The following MAPKAPK5 variants were observed in gnomAD, a reference collection of about 807,000 sequenced individuals.
The protein encoded by MAPKAPK5 is MAPK activated protein kinase 5, also known as MAP kinase-activated protein kinase 5.
Under a neutral mutation model 65.1 loss-of-function variants are expected in MAPKAPK5, and 30 were observed. That is an observed-to-expected ratio of 0.46 (90% CI 0.34 to 0.63). MAPKAPK5 has a LOEUF of 0.63. Among genes scored for constraint, MAPKAPK5 ranks in the 20% least tolerant of loss-of-function variants. The probability of loss-of-function intolerance (pLI) is 0.01; values close to 1 mark genes in which losing one functional copy is unlikely to be tolerated. For missense variants in MAPKAPK5, 433 were observed against 581.4 expected, an observed-to-expected ratio of 0.74 and a Z score of 2.63; for synonymous variants, 179 against 204.6, an observed-to-expected ratio of 0.87 and a Z score of 1.07.
At position 111,842,690 on chromosome 12, in the gene MAPKAPK5, C is replaced by T; in HGVS notation, c.-44C>T. On this transcript the variant is annotated 5_prime_UTR_variant, in exon 1 of 14. Transcript: ENST00000550735. ...CCTCGGCCGCGCGGGGACAGGGCTG[C>T]TGAGCAGCCTCCGCCTCTCCCGGCT... is the stretch of plus-strand genomic sequence containing the variant. 7.4e-7 allele frequency: 1 copy of T among 1,351,954 alleles called. No homozygotes were observed. The highest frequency in any genetic ancestry group is 9.6e-7 in the Non-Finnish European group (1 of 1,045,588). 83.7% of individuals were successfully genotyped at this position (1,351,954 alleles called of 1,614,324 possible). A position where few individuals can be genotyped will look rare whatever the true frequency, so the allele number is the denominator to read the frequency against.
chr12:111,893,010 A>T lies in MAPKAPK5; in HGVS notation c.1365A>T (p.Glu455Asp). The T allele has an allele frequency of 6.3e-7, 1 of 1,585,440 alleles. No individual in the cohort carries two copies. The highest frequency in any genetic ancestry group is 1.8e-5 in the Admixed American group (1 of 56,026). The part of the protein sequence containing the change: ...TDKVDRLKLA[E>D]IVKQVIEEQT... ...AAGTAGATCGACTAAAACTGGCAGA[A>T]ATTGTGAAGCAGGTGATAGAAGAGC... The change falls in exon 14 of 14, where the codon GAA (glutamate) becomes GAT (aspartate). Residue 455 changes from glutamate (E) to aspartate (D), a missense_variant. This residue lies in a region of MAPKAPK5 where 169 missense variants were observed against 215.6 expected (regional missense o/e 0.78). Coordinates refer to ENST00000550735, the MANE Select transcript of MAPKAPK5 (RefSeq NM_003668.4).
intron 6 of MAPKAPK5, 34 bp downstream of exon 6, chr12:111,870,394 C>G (rs770133259): frequency 1.2e-5 from 19 of 1,539,902 alleles, no homozygotes; most frequent in Non-Finnish European, 1.7e-5. Context: ...TTTAGTGCTG[C>G]AACTCTTAAC....
At chr12:111,867,764 CCTT>C (rs1366155731) in intron 4 of MAPKAPK5, 95 bp downstream of exon 4, 3 of 865,684 alleles carry the variant, frequency 3.5e-6, no homozygotes, top group Middle Eastern at 2.2e-4. Context: ...CCTTCCCTCT[CCTT>C]CTTCCTCCTA....
chr12:111,900,991 G>A lies in MAPKAPK5; in HGVS notation c.*7930G>A, dbSNP rs1229516662. On this transcript the variant is annotated 3_prime_UTR_variant, in exon 14 of 14. Transcript: ENST00000550735. ...AACTGTGGCATTTCTACCAGTCCTG[G>A]GTCACAATATGTTCGGTGTTCAGAT... 1 of 456,006 alleles carries A rather than the reference G, an allele frequency of 2.2e-6. No individual in the cohort carries two copies. Among genetic ancestry groups the A allele is most frequent in the East Asian group, 6.9e-5 (1 of 14,398 alleles). The allele number at this position is 456,006 out of a possible 1,614,324, so 28.2% of individuals were successfully genotyped here. A position where few individuals can be genotyped will look rare whatever the true frequency, so the allele number is the denominator to read the frequency against.
chr12:111,901,619 G>A lies in MAPKAPK5; in HGVS notation c.*8558G>A. On this transcript the variant is annotated 3_prime_UTR_variant, in exon 14 of 14. Coordinates refer to ENST00000550735, the MANE Select transcript of MAPKAPK5 (RefSeq NM_003668.4). ...CCCAGAAATAAAGCCAGAAGCAGCAGAAGTGGCCACAGAAGAAAAAGAAGA... is the reference window on the plus strand; with the variant it reads ...CCCAGAAATAAAGCCAGAAGCAGCAAAAGTGGCCACAGAAGAAAAAGAAGA... 1 of 290,436 alleles carries A rather than the reference G, an allele frequency of 3.4e-6. No individual in the cohort carries two copies. Among genetic ancestry groups the A allele is most frequent in the South Asian group, 3.2e-5 (1 of 31,218 alleles). 18.0% of individuals were successfully genotyped at this position (290,436 alleles called of 1,614,324 possible). A position where few individuals can be genotyped will look rare whatever the true frequency, so the allele number is the denominator to read the frequency against.
chr12:111,867,715 T>G, intron 4 of MAPKAPK5, 46 bp downstream of exon 4: 1 of 1,410,380 alleles, frequency 7.1e-7, no homozygotes, highest in Non-Finnish European at 1.0e-6. Flanking sequence ...TGTAGGCCAA[T>G]GTGTAGTGGA....
intron 1 of MAPKAPK5, among the ~76,000 whole-genome samples, chr12:111,851,058 C>G (rs1474842096): frequency 2.0e-5 from 3 of 152,016 alleles, no homozygotes; most frequent in South Asian, 4.2e-4. Flanking sequence ...GCCACCACGC[C>G]CAGCTAATTT....
At chr12:111,892,570 T>C (rs542409947) in intron 13 of MAPKAPK5, among the ~76,000 whole-genome samples, 1 of 152,368 alleles carries the variant, frequency 6.6e-6, no homozygotes, top group South Asian at 2.1e-4. Context: ...TAAATGTTTA[T>C]GGGCCAGTTA....
Position 111,901,558 on chromosome 12 carries a change from G to C in MAPKAPK5, c.*8497G>C. ...TTAAAAAATCACCAGAGGCTGCCCC[G>C]GCAGAAGCTCCTCCAGCAGTGGCTC... On this transcript the variant is annotated 3_prime_UTR_variant, in exon 14 of 14. Transcript: ENST00000550735. The C allele has an allele frequency of 3.0e-6, 1 of 335,390 alleles. No individual in the cohort carries two copies. 20.8% of individuals were successfully genotyped at this position (335,390 alleles called of 1,614,324 possible). A position where few individuals can be genotyped will look rare whatever the true frequency, so the allele number is the denominator to read the frequency against.
intron 12 of MAPKAPK5, 41 bp from the exon 13 acceptor site, chr12:111,889,999 C>A: frequency 7.8e-7 from 1 of 1,280,200 alleles, no homozygotes; most frequent in Non-Finnish European, 1.1e-6. Context: ...CCCCATGATG[C>A]TGCAGGAAAA....
chr12:111,877,603 T>G (rs1314358495), intron 7 of MAPKAPK5, among the ~76,000 whole-genome samples: 2 of 152,246 alleles, frequency 1.3e-5, no homozygotes, highest in Non-Finnish European at 2.9e-5. Flanking sequence ...TTCAGACCTT[T>G]TCTGTATTTA....
intron 1 of MAPKAPK5, among the ~76,000 whole-genome samples, chr12:111,855,958 C>G (rs980784649): frequency 6.6e-6 from 1 of 150,662 alleles, no homozygotes; most frequent in African/African-American, 2.4e-5. Flanking sequence ...CAGGTTCAAG[C>G]GATTATCCTG....
rs2070946983 is a variant in MAPKAPK5, at chr12:111,899,499, A to ATAAT, written c.*6441_*6444dup. 1.1e-5 allele frequency: 2 copies of ATAAT among 175,132 alleles called. No individual in the cohort carries two copies. The highest frequency in any genetic ancestry group is 2.8e-4 in the East Asian group (2 of 7,176). 10.8% of individuals were successfully genotyped at this position (175,132 alleles called of 1,614,324 possible). ...ATCAATCTATTACTCTTTCTATGAA[A>ATAAT]TAATTATTCCAAAGAGGCTGACAGT... On this transcript the variant is annotated 3_prime_UTR_variant, in exon 14 of 14. Transcript: ENST00000550735.
Position 111,901,598 on chromosome 12 carries a change from G to A in MAPKAPK5, c.*8537G>A, listed in dbSNP as rs1312866397. 3.4e-6 allele frequency: 1 copy of A among 290,808 alleles called. No homozygotes were observed. Among genetic ancestry groups the A allele is most frequent in the Non-Finnish European group, 6.8e-6 (1 of 148,148 alleles). The allele number at this position is 290,808 out of a possible 1,614,324, so 18.0% of individuals were successfully genotyped here. A position where few individuals can be genotyped will look rare whatever the true frequency, so the allele number is the denominator to read the frequency against. On this transcript the variant is annotated 3_prime_UTR_variant, in exon 14 of 14. Transcript: ENST00000550735. The stretch of plus-strand genomic sequence containing the variant: ...AGCAGTGGCTCCACCACCGGCCCCA[G>A]AAATAAAGCCAGAAGCAGCAGAAGT...
Position 111,868,905 on chromosome 12 carries a change from T to G in MAPKAPK5, c.393+44T>G, listed in dbSNP as rs375162528. 259 of 1,433,016 alleles carry G rather than the reference T, an allele frequency of 1.8e-4. 2 individuals carry two copies. The Middle Eastern group carries it at 2.1e-3, about 12-fold the overall frequency. The allele number at this position is 1,433,016 out of a possible 1,614,324, so 88.8% of individuals were successfully genotyped here. A position where few individuals can be genotyped will look rare whatever the true frequency, so the allele number is the denominator to read the frequency against. On this transcript the variant is annotated intron_variant, in intron 5 of 13. Transcript: ENST00000550735. ...CCAATCAAACTGCCACCAAAGTTGG[T>G]TAACAAGCACAATTTCATTGGGGGG...
rs367850169 is a variant in MAPKAPK5 at position 111,895,150 on chromosome 12, G to C, written c.*2089G>C. 7.2e-6 allele frequency: 1 copy of C among 139,612 alleles called. No homozygotes were observed. 8.6% of individuals were successfully genotyped at this position (139,612 alleles called of 1,614,324 possible). The stretch of plus-strand genomic sequence containing the variant: ...CTTGCTCTGTCGCCCAGGCTGGAGT[G>C]CAGTGGCGCGATCTTGGCTCACTGC... On this transcript the variant is annotated 3_prime_UTR_variant, in exon 14 of 14. Coordinates refer to ENST00000550735, the MANE Select transcript of MAPKAPK5 (RefSeq NM_003668.4).
chr12:111,863,770 C>T (rs2069518728), intron 1 of MAPKAPK5, among the ~76,000 whole-genome samples: 1 of 151,950 alleles, frequency 6.6e-6, no homozygotes, highest in Non-Finnish European at 1.5e-5. Context: ...CCATGCCTGG[C>T]TAATTTTGTA....
At position 111,901,847 on chromosome 12, in the gene MAPKAPK5, TTTA is replaced by T. The variant is rs1452553428; in HGVS notation, c.*8792_*8794del. 6.5e-6 allele frequency: 1 copy of T among 154,308 alleles called. No individual in the cohort carries two copies. The highest frequency in any genetic ancestry group is 6.4e-5 in the Admixed American group (1 of 15,574). 9.6% of individuals were successfully genotyped at this position (154,308 alleles called of 1,614,324 possible). ...ATGTAGAAGGAAGGATTCTTTCACTTTTATTATTTATTTTGGTAATTAAATTTA... is the reference window on the plus strand; with the variant it reads ...ATGTAGAAGGAAGGATTCTTTCACTTTTATTTATTTTGGTAATTAAATTTA... On this transcript the variant is annotated 3_prime_UTR_variant, in exon 14 of 14. Coordinates refer to ENST00000550735, the MANE Select transcript of MAPKAPK5 (RefSeq NM_003668.4).
At chr12:111,848,167 C>T (rs748681964) in intron 1 of MAPKAPK5, among the ~76,000 whole-genome samples, 1 of 152,152 alleles carries the variant, frequency 6.6e-6, no homozygotes, top group Non-Finnish European at 1.5e-5. Flanking sequence ...GAACTGTTTT[C>T]CAAAGTGGTT....
Sources: allele counts gnomAD v4.1 joint callset (sites outside exome capture counted in the v4.1 genomes callset), GRCh38; gene constraint gnomAD v4.1.1; regional missense constraint gnomAD v4.1.1; transcripts MANE v1.5; gene names NCBI Gene and HGNC (gene_info 2026-07-23, HGNC 2026-07-21).